GPC6: variants seen among roughly 807,000 people sequenced by gnomAD.
GPC6 encodes glypican-6.
A neutral mutation model predicts 55.2 loss-of-function variants in GPC6; 14 were observed. That is an observed-to-expected ratio of 0.25 (90% CI 0.17 to 0.40). GPC6 has a LOEUF of 0.40. GPC6 is among the 10% of genes least tolerant of loss of function. The probability of loss-of-function intolerance (pLI) is 1.00; values close to 1 mark genes in which losing one functional copy is unlikely to be tolerated. For missense variants in GPC6, 641 were observed against 708.5 expected, an observed-to-expected ratio of 0.90 and a Z score of 1.08; for synonymous variants, 278 against 259.6, an observed-to-expected ratio of 1.07 and a Z score of -0.68.
At chr13:93,926,279 A>G (rs1320711688) in intron 3 of GPC6, among the ~76,000 whole-genome samples, 1 of 152,174 alleles carries the variant, frequency 6.6e-6, no homozygotes, top group African/African-American at 2.4e-5. Context: ...CTAGGGTTGA[A>G]AGACAAACAA....
chr13:93,844,856 T>C (rs1888110650), intron 3 of GPC6, among the ~76,000 whole-genome samples: 1 of 150,718 alleles, frequency 6.6e-6, no homozygotes, highest in South Asian at 2.1e-4. Flanking sequence ...TTCAGCTTTC[T>C]ACATATGGCT....
intron 3 of GPC6, among the ~76,000 whole-genome samples, chr13:93,860,923 T>G (rs535114251): frequency 1.3e-5 from 2 of 151,564 alleles, no homozygotes; most frequent in East Asian, 3.9e-4. Flanking sequence ...ATTAAAAGGG[T>G]GGGCTCAGGG....
chr13:93,842,986 A>G (rs1888009681), intron 3 of GPC6, among the ~76,000 whole-genome samples: 1 of 151,702 alleles, frequency 6.6e-6, no homozygotes, highest in African/African-American at 2.4e-5. Context: ...CTCTAATATG[A>G]TTTTATATTG....
chr13:93,405,298 G>A (rs904907078), intron 1 of GPC6, among the ~76,000 whole-genome samples: 1 of 152,008 alleles, frequency 6.6e-6, no homozygotes, highest in Non-Finnish European at 1.5e-5. Flanking sequence ...ATGGTGTTGC[G>A]GCACCATCAG....
chr13:93,954,057 C>G (rs1410682071), intron 3 of GPC6, among the ~76,000 whole-genome samples: 2 of 152,098 alleles, frequency 1.3e-5, no homozygotes, highest in African/African-American at 4.8e-5. Flanking sequence ...AAGTCACTCC[C>G]TAGTCCTCCC....
At chr13:94,337,822 G>T (rs542597826) in intron 6 of GPC6, among the ~76,000 whole-genome samples, 96 of 152,272 alleles carry the variant, frequency 6.3e-4, no homozygotes, top group African/African-American at 2.2e-3. Context: ...AGAAGACACA[G>T]AAAGCCCTCA....
chr13:93,247,996 T>C (rs61963747), intron 1 of GPC6, among the ~76,000 whole-genome samples: 24,703 of 152,176 alleles, frequency 0.16, 2,271 homozygotes, highest in Middle Eastern at 0.25. Flanking sequence ...ACACAAAATT[T>C]AACTAATTAA....
intron 1 of GPC6, among the ~76,000 whole-genome samples, chr13:93,446,502 T>C (rs754126670): frequency 2.6e-5 from 4 of 152,328 alleles, no homozygotes; most frequent in South Asian, 2.1e-4. Context: ...TACAGCCAAG[T>C]TGGGTTTTTA....
intron 2 of GPC6, among the ~76,000 whole-genome samples, chr13:93,778,225 T>C (rs1885527829): frequency 6.6e-6 from 1 of 152,310 alleles, no homozygotes; most frequent in East Asian, 1.9e-4. Context: ...TCAATATTTT[T>C]CTTCAAAAGA....
chr13:93,875,033 G>A, intron 3 of GPC6, among the ~76,000 whole-genome samples: 1 of 151,956 alleles, frequency 6.6e-6, no homozygotes, highest in Non-Finnish European at 1.5e-5. Flanking sequence ...GTTCTCAAAA[G>A]AGAGAGAGAG....
intron 2 of GPC6, among the ~76,000 whole-genome samples, chr13:93,722,970 T>C (rs1195372471): frequency 6.6e-6 from 1 of 151,966 alleles, no homozygotes; most frequent in African/African-American, 2.4e-5. Context: ...TTAACTTGAC[T>C]GTGTCTGTGA....
chr13:93,955,232 T>G (rs2140377268), intron 3 of GPC6, among the ~76,000 whole-genome samples: 1 of 139,130 alleles, frequency 7.2e-6, no homozygotes, highest in South Asian at 2.4e-4. Flanking sequence ...ACATAACTCT[T>G]GAATGAACAT....
intron 2 of GPC6, among the ~76,000 whole-genome samples, chr13:93,828,433 A>G (rs772009417): frequency 5.2e-4 from 79 of 152,236 alleles, no homozygotes; most frequent in Non-Finnish European, 1.0e-3. Flanking sequence ...TGAAAAAAGT[A>G]TGAAATTCTC....
chr13:94,350,900 C>T (rs1226588671), intron 6 of GPC6, among the ~76,000 whole-genome samples: 1 of 152,044 alleles, frequency 6.6e-6, no homozygotes, highest in Admixed American at 6.5e-5. Context: ...AAGAGAGGCA[C>T]AGTAAAGGAA....
chr13:93,679,444 C>T (rs1881768493), intron 2 of GPC6, among the ~76,000 whole-genome samples: 1 of 151,946 alleles, frequency 6.6e-6, no homozygotes, highest in Admixed American at 6.6e-5. Context: ...TCTAGACATG[C>T]CAAAAGAAAA....
At chr13:94,147,805 A>G (rs1461798347) in intron 4 of GPC6, among the ~76,000 whole-genome samples, 1 of 152,050 alleles carries the variant, frequency 6.6e-6, no homozygotes, top group Non-Finnish European at 1.5e-5. Context: ...CCACATTTTT[A>G]CTCATAACAT....
At chr13:93,478,088 G>A (rs980212572) in intron 1 of GPC6, among the ~76,000 whole-genome samples, 1 of 152,036 alleles carries the variant, frequency 6.6e-6, no homozygotes, top group South Asian at 2.1e-4. Flanking sequence ...ATGGCTATTG[G>A]GAAGGTTTAA....
intron 2 of GPC6, among the ~76,000 whole-genome samples, chr13:93,824,242 A>G (rs754049336): frequency 6.6e-6 from 1 of 152,234 alleles, no homozygotes; most frequent in African/African-American, 2.4e-5. Context: ...AAAGGATGCC[A>G]TAGTCTTGCA....
At chr13:93,234,344 C>T (rs149038676) in intron 1 of GPC6, among the ~76,000 whole-genome samples, 2 of 152,272 alleles carry the variant, frequency 1.3e-5, no homozygotes, top group African/African-American at 2.4e-5. Flanking sequence ...GGGGTCATGT[C>T]GTCCTCCCCC....
Sources: gnomAD v4.1 joint callset for allele counts (sites outside exome capture counted in the v4.1 genomes callset) on GRCh38, gnomAD v4.1.1 for gene constraint, MANE v1.5 for transcripts, NCBI Gene and HGNC (gene_info 2026-07-23, HGNC 2026-07-21) for gene names.